The following GRAMD2B variants were observed in gnomAD, a reference collection of about 807,000 sequenced individuals.
GRAMD2B encodes the protein GRAM domain-containing protein 2B.
GRAMD2B carries 41 observed loss-of-function variants against 59.2 expected under a neutral mutation model. The ratio of observed to expected loss-of-function variants is 0.69; its 90% CI spans 0.54 to 0.90. GRAMD2B has a LOEUF of 0.90. Among genes scored for constraint, GRAMD2B ranks in the 40% least tolerant of loss-of-function variants. The pLI, the probability that GRAMD2B is intolerant of heterozygous loss-of-function variation, is 0.00. For synonymous variants in GRAMD2B, 161 were observed against 182.7 expected, an observed-to-expected ratio of 0.88 and a Z score of 0.96; for missense variants, 424 against 500.5, an observed-to-expected ratio of 0.85 and a Z score of 1.46.
chr5:126,391,443 A>AT (rs965544590), intron 1 of GRAMD2B, among the ~76,000 whole-genome samples: 122 of 152,130 alleles, frequency 8.0e-4, no homozygotes, highest in African/African-American at 2.9e-3. Flanking sequence ...AGTATTATTT[A>AT]TAATGCTGAA....
At position 126,395,047 on chromosome 5, in the gene GRAMD2B, C is replaced by T. The variant is rs372614951; in HGVS notation, c.125+23480C>T. Among the ~76,000 whole-genome samples, 9 of 149,040 alleles carry T rather than the reference C, an allele frequency of 6.0e-5. No homozygotes were observed. In the South Asian group the frequency reaches 1.9e-3, roughly 32 times the overall value. ...CTTAAAGTGAGCCAGTTATTGTCAGCCTTTTGCTTTTGGTTGCAGTTCTTA... is the reference window on the plus strand; with the variant it reads ...CTTAAAGTGAGCCAGTTATTGTCAGTCTTTTGCTTTTGGTTGCAGTTCTTA... On this transcript the variant is annotated intron_variant, in intron 1 of 8. Transcript: ENST00000506445.
At chr5:126,432,126 A>G (rs1028225270) in intron 1 of GRAMD2B, among the ~76,000 whole-genome samples, 8 of 151,720 alleles carry the variant, frequency 5.3e-5, no homozygotes, top group African/African-American at 1.9e-4. Flanking sequence ...ACAGGGTTTC[A>G]CCATGTTACT....
At chr5:126,479,398 G>T (rs181068602) in intron 6 of GRAMD2B, among the ~76,000 whole-genome samples, 53 of 152,222 alleles carry the variant, frequency 3.5e-4, no homozygotes, top group African/African-American at 1.1e-3. Context: ...AAGAAGGAAA[G>T]ATAAAAGAGA....
At chr5:126,406,016 C>T (rs1758234200) in intron 1 of GRAMD2B, among the ~76,000 whole-genome samples, 1 of 151,752 alleles carries the variant, frequency 6.6e-6, no homozygotes, top group Non-Finnish European at 1.5e-5. Flanking sequence ...ACTCATTTGT[C>T]ATAATTTGAA....
At chr5:126,366,957 C>A (rs981374560), upstream of GRAMD2B, among the ~76,000 whole-genome samples, 1 of 150,396 alleles carries the variant, frequency 6.6e-6, no homozygotes, top group South Asian at 2.1e-4. Context: ...CGGATCCAAG[C>A]GATTCTTGTG....
intron 1 of GRAMD2B, among the ~76,000 whole-genome samples, chr5:126,382,740 T>A (rs1052831874): frequency 6.6e-6 from 1 of 152,226 alleles, no homozygotes; most frequent in Non-Finnish European, 1.5e-5. Context: ...TAAGCTAATA[T>A]GATCTTTTGG....
Position 126,477,800 on chromosome 5 carries a change from C to T in GRAMD2B, c.582+13C>T, listed in dbSNP as rs781711486. The T allele has an allele frequency of 2.6e-6, 4 of 1,520,118 alleles. No individual in the cohort carries two copies. Among genetic ancestry groups the T allele is most frequent in the Middle Eastern group, 1.7e-4 (1 of 5,872 alleles). 94.2% of individuals were successfully genotyped at this position (1,520,118 alleles called of 1,614,324 possible). A position where few individuals can be genotyped will look rare whatever the true frequency, so the allele number is the denominator to read the frequency against. ...AGTCACAGACAGGGTGAGTATGCAG[C>T]CGAGCGAGGGCATCTTTGCTTTGTC... On this transcript the variant is annotated intron_variant, in intron 6 of 13. Coordinates refer to ENST00000285689, the MANE Select transcript of GRAMD2B (RefSeq NM_023927.4).
chr5:126,478,140 GAAAAAAAAAAA>G (rs11376080), intron 6 of GRAMD2B, among the ~76,000 whole-genome samples: 2 of 126,874 alleles, frequency 1.6e-5, no homozygotes, highest in East Asian at 4.5e-4. Context: ...GTCTTAAAGG[GAAAAAAAAAAA>G]AAAAAAAAGG....
At chr5:126,386,328 T>C (rs1756127283) in intron 1 of GRAMD2B, among the ~76,000 whole-genome samples, 1 of 152,226 alleles carries the variant, frequency 6.6e-6, no homozygotes, top group Admixed American at 6.5e-5. Context: ...GTCATTGATA[T>C]GAACATGAAA....
intron 1 of GRAMD2B, 150 bp from the exon 2 acceptor site, chr5:126,465,276 T>G: frequency 6.7e-7 from 1 of 1,482,980 alleles, no homozygotes; most frequent in South Asian, 1.4e-5. Flanking sequence ...GAATGGAGAT[T>G]GGGAAAGGGC....
At chr5:126,433,045 T>C (rs1761834894) in intron 1 of GRAMD2B, among the ~76,000 whole-genome samples, 1 of 152,172 alleles carries the variant, frequency 6.6e-6, no homozygotes, top group Non-Finnish European at 1.5e-5. Context: ...ATGAAACACA[T>C]AAAGCCTTTG....
chr5:126,491,462 A>G (rs1029951853), intron 13 of GRAMD2B, among the ~76,000 whole-genome samples: 4 of 152,166 alleles, frequency 2.6e-5, no homozygotes, highest in Non-Finnish European at 4.4e-5. Context: ...TACTACCCAC[A>G]TAACTCATCC....
chr5:126,406,351 A>G (rs904056877), intron 1 of GRAMD2B, among the ~76,000 whole-genome samples: 3 of 151,888 alleles, frequency 2.0e-5, no homozygotes, highest in African/African-American at 7.2e-5. Context: ...AACTTAAAGT[A>G]TAATAAAAAT....
intron 1 of GRAMD2B, among the ~76,000 whole-genome samples, chr5:126,377,438 C>A (rs1231829505): frequency 6.6e-6 from 1 of 152,038 alleles, no homozygotes; most frequent in Non-Finnish European, 1.5e-5. Flanking sequence ...TGGTAAGGTG[C>A]GCAGATAGTC....
At chr5:126,375,429 C>T (rs181968638) in intron 1 of GRAMD2B, among the ~76,000 whole-genome samples, 1,746 of 151,598 alleles carry the variant, frequency 0.012, 18 homozygotes, top group South Asian at 0.018. Flanking sequence ...AGTGCAGTGG[C>T]GCGATCTCGG....
intron 1 of GRAMD2B, among the ~76,000 whole-genome samples, chr5:126,362,190 T>C (rs1474171037): frequency 6.6e-6 from 1 of 152,232 alleles, no homozygotes; most frequent in Non-Finnish European, 1.5e-5. Flanking sequence ...ATGAGCTCAA[T>C]TCTGAAGACC....
At chr5:126,443,274 T>C (rs1763608688) in intron 1 of GRAMD2B, among the ~76,000 whole-genome samples, 1 of 152,188 alleles carries the variant, frequency 6.6e-6, no homozygotes, top group Non-Finnish European at 1.5e-5. Context: ...ACATAGAAAG[T>C]TCTTAGGCCA....
chr5:126,460,265 A>G (rs1056881036), intron 1 of GRAMD2B, among the ~76,000 whole-genome samples: 4 of 152,236 alleles, frequency 2.6e-5, no homozygotes, highest in Admixed American at 2.6e-4. Flanking sequence ...GCCTTTGTGG[A>G]GAGAAACTGG....
upstream of GRAMD2B, among the ~76,000 whole-genome samples, chr5:126,421,954 T>C (rs535597368): frequency 3.2e-4 from 49 of 152,346 alleles, no homozygotes; most frequent in Admixed American, 7.2e-4. Flanking sequence ...AGGCATGTCA[T>C]GCTCTACTGT....
Sources: allele counts gnomAD v4.1 joint callset (sites outside exome capture counted in the v4.1 genomes callset), GRCh38; gene constraint gnomAD v4.1.1; transcripts MANE v1.5; gene names NCBI Gene and HGNC (gene_info 2026-07-23, HGNC 2026-07-21).